ADGRL2: variants seen among roughly 807,000 people sequenced by gnomAD.
ADGRL2 encodes adhesion G protein-coupled receptor L2, also known as calcium-independent alpha-latrotoxin receptor 2.
A neutral mutation model predicts 157.4 loss-of-function variants in ADGRL2; 44 were observed. That is an observed-to-expected ratio of 0.28 (90% CI 0.22 to 0.36). The LOEUF (loss-of-function observed/expected upper bound fraction) is 0.36. Among genes scored for constraint, ADGRL2 ranks in the 10% least tolerant of loss-of-function variants. ADGRL2 has a pLI of 1.00. For missense variants in ADGRL2, 1,510 were observed against 1,768.9 expected, an observed-to-expected ratio of 0.85 and a Z score of 2.63; for synonymous variants, 585 against 624.7, an observed-to-expected ratio of 0.94 and a Z score of 0.95.
In ADGRL2 at chr1:81,746,943, CAT is replaced by C. The variant is rs1459074362; in HGVS notation, c.-142-14867_-142-14866del. ...ATATACGTATATACACACGTATACA[CAT>C]GTATGTATATACGTATATACACACG... On this transcript the variant is annotated intron_variant, in intron 1 of 20. Transcript: ENST00000359929. Among the ~76,000 whole-genome samples, 10 of 145,474 alleles carry C rather than the reference CAT, an allele frequency of 6.9e-5. No homozygotes were observed. In the East Asian group the frequency reaches 1.6e-3, roughly 24 times the overall value.
intron 2 of ADGRL2, among the ~76,000 whole-genome samples, chr1:81,541,933 G>T (rs1283935635): frequency 1.3e-5 from 2 of 152,140 alleles, no homozygotes; most frequent in African/African-American, 2.4e-5. Flanking sequence ...ACTCCAGCCT[G>T]GGCAACAAGA....
At chr1:81,709,094 A>T (rs776635876) in intron 1 of ADGRL2, among the ~76,000 whole-genome samples, 12 of 152,140 alleles carry the variant, frequency 7.9e-5, no homozygotes, top group Non-Finnish European at 4.4e-5. Context: ...CTTATTTTAT[A>T]TTCTAAAAAG....
At chr1:81,777,221 T>A (rs917958027) in intron 2 of ADGRL2, among the ~76,000 whole-genome samples, 2 of 152,110 alleles carry the variant, frequency 1.3e-5, no homozygotes, top group Non-Finnish European at 2.9e-5. Flanking sequence ...ATATTCTCCA[T>A]TATTCTATAC....
At position 81,952,012 on chromosome 1, in the gene ADGRL2, A is replaced by G. The variant is rs141619218; in HGVS notation, c.1664A>G (p.Lys555Arg). 7.2e-3 allele frequency: 11,648 copies of G among 1,613,636 alleles called. 60 individuals carry two copies. Among genetic ancestry groups the G allele is most frequent in the Non-Finnish European group, 8.6e-3 (10,203 of 1,179,628 alleles). The part of the protein sequence containing the change: ...SLANELAKHT[K>R]GPVFAGDVSS... ...GCCAATGAACTGGCTAAACATACCA[A>G]AGGGCCAGTGTTTGCTGGGGATGTA... The change falls in exon 9 of 24, where the codon AAA becomes AGA. Residue 555 changes from lysine (K) to arginine (R), a missense_variant. Coordinates refer to ENST00000686636, the MANE Select transcript of ADGRL2 (RefSeq NM_001366006.2).
intron 1 of ADGRL2, among the ~76,000 whole-genome samples, chr1:81,439,947 G>T (rs61226808): frequency 2.6e-5 from 4 of 152,308 alleles, no homozygotes; most frequent in South Asian, 2.1e-4. Flanking sequence ...GCTCTAAAAG[G>T]CTGTCTGTTC....
intron 3 of ADGRL2, among the ~76,000 whole-genome samples, chr1:81,683,905 C>T (rs553891855): frequency 5.9e-5 from 9 of 152,230 alleles, no homozygotes; most frequent in East Asian, 5.8e-4. Flanking sequence ...CAACCTCCGC[C>T]TCCCAAGTTC....
At chr1:81,759,608 T>C (rs2085803357) in intron 1 of ADGRL2, among the ~76,000 whole-genome samples, 1 of 152,146 alleles carries the variant, frequency 6.6e-6, no homozygotes, top group Non-Finnish European at 1.5e-5. Context: ...AAGTGATGAT[T>C]TGTCCAACAA....
intron 1 of ADGRL2, among the ~76,000 whole-genome samples, chr1:81,442,381 T>A (rs1490796630): frequency 6.6e-6 from 1 of 152,150 alleles, no homozygotes; most frequent in African/African-American, 2.4e-5. Context: ...TTCACCAAAT[T>A]ACACAATAAA....
intron 1 of ADGRL2, chr1:81,426,501 C>G (rs2077219334): frequency 2.5e-6 from 1 of 401,566 alleles, no homozygotes; most frequent in Non-Finnish European, 4.9e-6. Flanking sequence ...CCAATTCCAG[C>G]TGTGACCGTC....
intron 3 of ADGRL2, among the ~76,000 whole-genome samples, chr1:81,616,767 C>T (rs2081663358): frequency 1.4e-5 from 2 of 147,918 alleles, no homozygotes; most frequent in South Asian, 4.2e-4. Flanking sequence ...ACCTTTGCCT[C>T]CTGGACTCAA....
chr1:81,502,831 G>A, intron 2 of ADGRL2: 5 of 1,612,580 alleles, frequency 3.1e-6, no homozygotes, highest in South Asian at 1.1e-5. Flanking sequence ...TGCTGCCGCT[G>A]CCGAGGCCCC....
At position 81,990,698 on chromosome 1, in the gene ADGRL2, C is replaced by T. The variant is rs371321379; in HGVS notation, c.3963C>T (p.Ser1321=). The T allele has an allele frequency of 4.6e-5, 74 of 1,614,084 alleles. No individual in the cohort carries two copies. Among genetic ancestry groups the T allele is most frequent in the Non-Finnish European group, 5.3e-5 (63 of 1,180,000 alleles). Residue 1321 remains serine (S), a synonymous_variant, in exon 24 of 24, where the codon AGC becomes AGT. Coordinates refer to ENST00000686636, the MANE Select transcript of ADGRL2 (RefSeq NM_001366006.2). The part of the protein sequence containing the change: ...IVADASSLMH[S]DNPGLELHHK... Reference sequence around the variant, plus strand: ...CAGATGCTTCATCTTTAATGCACAGCGACAACCCAGGGCTGGAGCTCCATC... The same window carrying T: ...CAGATGCTTCATCTTTAATGCACAGTGACAACCCAGGGCTGGAGCTCCATC...
At chr1:81,904,474 T>G (rs1048905220) in intron 2 of ADGRL2, among the ~76,000 whole-genome samples, 1 of 152,214 alleles carries the variant, frequency 6.6e-6, no homozygotes, top group South Asian at 2.1e-4. Context: ...ATTTAGCTTA[T>G]GGTTCTGGGG....
At chr1:81,828,377 A>G (rs2091676053) in intron 1 of ADGRL2, among the ~76,000 whole-genome samples, 1 of 152,196 alleles carries the variant, frequency 6.6e-6, no homozygotes, top group South Asian at 2.1e-4. Context: ...GAGATTGGAA[A>G]ATTCAGTAGT....
At chr1:81,627,941 C>A (rs2081941446) in intron 3 of ADGRL2, among the ~76,000 whole-genome samples, 1 of 152,158 alleles carries the variant, frequency 6.6e-6, no homozygotes, top group Admixed American at 6.5e-5. Flanking sequence ...CAAGAATCAC[C>A]ATCAGCGGTT....
intron 1 of ADGRL2, among the ~76,000 whole-genome samples, chr1:81,438,011 C>T (rs547450719): frequency 1.3e-5 from 2 of 150,064 alleles, no homozygotes; most frequent in Admixed American, 1.4e-4. Context: ...AGGAGTTACC[C>T]TCTCTCTTTA....
intron 1 of ADGRL2, among the ~76,000 whole-genome samples, chr1:81,750,073 A>G (rs1571066457): frequency 1.3e-5 from 2 of 152,364 alleles, no homozygotes; most frequent in African/African-American, 4.8e-5. Context: ...AAAATTTTCA[A>G]TTAAACATGT....
At chr1:81,777,596 AC>A in intron 2 of ADGRL2, among the ~76,000 whole-genome samples, 1 of 151,810 alleles carries the variant, frequency 6.6e-6, no homozygotes, top group African/African-American at 2.4e-5. Flanking sequence ...CATGGTGAAA[AC>A]CCATCTCTAC....
chr1:81,409,729 C>T (rs1307967599), intron 1 of ADGRL2, among the ~76,000 whole-genome samples: 1 of 152,202 alleles, frequency 6.6e-6, no homozygotes, highest in East Asian at 1.9e-4. Context: ...CTCCCCTATT[C>T]TTGTAAATCC....
Sources: gnomAD v4.1 joint callset for allele counts (sites outside exome capture counted in the v4.1 genomes callset) on GRCh38, gnomAD v4.1.1 for gene constraint, MANE v1.5 for transcripts, NCBI Gene and HGNC (gene_info 2026-07-23, HGNC 2026-07-21) for gene names.